The following PACRG variants were observed in gnomAD, a reference collection of about 807,000 sequenced individuals.
PACRG encodes the protein parkin coregulated, also known as parkin coregulated gene protein.
A neutral mutation model predicts 29.7 loss-of-function variants in PACRG; 29 were observed. That is an observed-to-expected ratio of 0.98 (90% CI 0.73 to 1.33). PACRG has a LOEUF of 1.33. Among genes scored for constraint, PACRG ranks in the 40% most tolerant of loss-of-function variants. The pLI is 0.00. For missense variants in PACRG, 279 were observed against 316.2 expected (o/e 0.88, Z 0.89); for synonymous variants, 116 against 118.7 (o/e 0.98, Z 0.15).
At chr6:162,833,989 T>C (rs1194160253) in intron 2 of PACRG, among the ~76,000 whole-genome samples, 1 of 152,106 alleles carries the variant, frequency 6.6e-6, no homozygotes, top group Non-Finnish European at 1.5e-5. Flanking sequence ...AGACTGAAAC[T>C]CTATGCCCAT....
chr6:163,091,752 G>A (rs1337759240), intron 4 of PACRG, among the ~76,000 whole-genome samples: 2 of 152,074 alleles, frequency 1.3e-5, no homozygotes, highest in African/African-American at 2.4e-5. Flanking sequence ...CTTATCGCAG[G>A]ATTTTCAATT....
intron 4 of PACRG, among the ~76,000 whole-genome samples, chr6:163,217,380 C>T (rs953393810): frequency 6.6e-6 from 1 of 152,244 alleles, no homozygotes; most frequent in Non-Finnish European, 1.5e-5. Context: ...GCCAGGGTTC[C>T]AGGGGAGGCC....
rs530288082 is a variant in PACRG, at chr6:163,307,150, C to T, written c.614-7677C>T. ...ACAATTGTTTAGAAATTGTCATTGT[C>T]TATGTGAGGGAAATTTAGATATTGA... On this transcript the variant is annotated intron_variant, in intron 4 of 4. Transcript: ENST00000366888. 6.6e-5 allele frequency among the ~76,000 whole-genome samples: 10 copies of T among 152,248 alleles called. No homozygotes were observed. In the East Asian group the frequency reaches 1.7e-3, roughly 26 times the overall value.
At chr6:162,966,350 T>C (rs1036569974) in intron 2 of PACRG, among the ~76,000 whole-genome samples, 15 of 152,206 alleles carry the variant, frequency 9.9e-5, no homozygotes, top group Admixed American at 2.6e-4. Flanking sequence ...ATTTGCGTGA[T>C]GTCATCATCC....
At chr6:163,042,931 C>T (rs143596256) in intron 2 of PACRG, 236 of 152,246 alleles carry the variant, frequency 1.6e-3, no homozygotes, top group African/African-American at 5.4e-3. Flanking sequence ...ACCCAAAATG[C>T]ATTTAGAAGT....
chr6:163,262,374 AG>A (rs1457588632), intron 4 of PACRG, among the ~76,000 whole-genome samples: 2 of 152,234 alleles, frequency 1.3e-5, no homozygotes, highest in African/African-American at 4.8e-5. Context: ...GGTCACTGGG[AG>A]GATCACAGGC....
At chr6:163,003,154 T>C (rs983867764) in intron 2 of PACRG, among the ~76,000 whole-genome samples, 4 of 152,226 alleles carry the variant, frequency 2.6e-5, no homozygotes, top group Non-Finnish European at 4.4e-5. Flanking sequence ...TATTATCTTC[T>C]TTGCATTATT....
At chr6:162,892,439 G>A (rs1794835268) in intron 2 of PACRG, among the ~76,000 whole-genome samples, 1 of 152,190 alleles carries the variant, frequency 6.6e-6, no homozygotes, top group African/African-American at 2.4e-5. Context: ...GAATGAAGGG[G>A]CAAGGAATCA....
At chr6:163,072,092 C>T (rs144482611) in intron 3 of PACRG, among the ~76,000 whole-genome samples, 8 of 151,406 alleles carry the variant, frequency 5.3e-5, no homozygotes, top group African/African-American at 1.2e-4. Flanking sequence ...TCTATAAGGC[C>T]AGTATTATCC....
intron 2 of PACRG, among the ~76,000 whole-genome samples, chr6:162,862,371 TG>T (rs1258394629): frequency 6.6e-6 from 1 of 152,048 alleles, no homozygotes; most frequent in African/African-American, 2.4e-5. Flanking sequence ...TACTCTGTGG[TG>T]GGGGAGAGGG....
chr6:162,897,327 A>G (rs192253840), intron 2 of PACRG, among the ~76,000 whole-genome samples: 2 of 152,338 alleles, frequency 1.3e-5, no homozygotes, highest in East Asian at 3.9e-4. Flanking sequence ...TTATAAAATG[A>G]TAGTCATAGT....
intron 4 of PACRG, among the ~76,000 whole-genome samples, chr6:163,229,577 C>T (rs1781942439): frequency 6.6e-6 from 1 of 152,190 alleles, no homozygotes; most frequent in Admixed American, 6.5e-5. Flanking sequence ...TGCACCTGAG[C>T]ACAAATGTGG....
chr6:162,810,053 G>C (rs561517475), intron 1 of PACRG, among the ~76,000 whole-genome samples: 2 of 152,116 alleles, frequency 1.3e-5, no homozygotes, highest in Non-Finnish European at 2.9e-5. Flanking sequence ...AGGCCACACT[G>C]TTTATGATGT....
At chr6:162,727,818 G>T (rs1275488220), upstream of PACRG, 5 of 790,588 alleles carry the variant, frequency 6.3e-6, no homozygotes, top group East Asian at 2.8e-5. Context: ...CGCGCGGAGG[G>T]CGCGGCCCAG....
At chr6:163,046,519 C>A (rs919330076) in intron 2 of PACRG, 16 of 151,842 alleles carry the variant, frequency 1.1e-4, no homozygotes, top group African/African-American at 3.1e-4. Flanking sequence ...TAATAATGCC[C>A]AGAGGAGCTC....
At chr6:163,136,179 G>A (rs568861485) in intron 4 of PACRG, among the ~76,000 whole-genome samples, 8 of 152,214 alleles carry the variant, frequency 5.3e-5, no homozygotes, top group Admixed American at 5.2e-4. Flanking sequence ...TCCATTCCCT[G>A]ACATAGTAGT....
At chr6:162,994,746 A>G (rs1337425704) in intron 2 of PACRG, among the ~76,000 whole-genome samples, 4 of 149,596 alleles carry the variant, frequency 2.7e-5, no homozygotes, top group African/African-American at 1.0e-4. Context: ...CAGCTCGTCA[A>G]AGTCATTCTC....
intron 2 of PACRG, among the ~76,000 whole-genome samples, chr6:162,847,994 C>A (rs558026889): frequency 1.3e-5 from 2 of 152,202 alleles, no homozygotes; most frequent in South Asian, 2.1e-4. Context: ...CAGACCAGAG[C>A]CAAGAAGCCC....
chr6:162,954,508 T>TC (rs142856943), intron 2 of PACRG, among the ~76,000 whole-genome samples: 6,901 of 152,172 alleles, frequency 0.045, 548 homozygotes, highest in African/African-American at 0.16. Flanking sequence ...AAACATTATT[T>TC]TTTTACTGCA....
Sources: gnomAD v4.1 joint callset for allele counts (sites outside exome capture counted in the v4.1 genomes callset) on GRCh38, gnomAD v4.1.1 for gene constraint, MANE v1.5 for transcripts, NCBI Gene and HGNC (gene_info 2026-07-23, HGNC 2026-07-21) for gene names.